SPOCK1: variants seen among roughly 807,000 people sequenced by gnomAD.
The protein encoded by SPOCK1 is SPARC (osteonectin), cwcv and kazal like domains proteoglycan 1, also known as testican-1.
Under a neutral mutation model 55.3 loss-of-function variants are expected in SPOCK1, and 23 were observed. The ratio of observed to expected loss-of-function variants is 0.42; its 90% confidence interval spans 0.30 to 0.59. The LOEUF (loss-of-function observed/expected upper bound fraction) is 0.59, where lower values mean the gene tolerates loss of function less well. Ranked by LOEUF, SPOCK1 falls within the 20% of genes least tolerant of loss-of-function variation. SPOCK1 has a pLI of 0.22. For missense variants in SPOCK1, 499 were observed against 552.5 expected (o/e 0.90, Z 0.97); for synonymous variants, 226 against 221.0 (o/e 1.02, Z -0.20).
chr5:137,358,864 T>TATATGATCAAGTCAAGACTC (rs140314895), intron 2 of SPOCK1, among the ~76,000 whole-genome samples: 5,050 of 152,284 alleles, frequency 0.033, 120 homozygotes, highest in East Asian at 0.065. Flanking sequence ...TTTCAAGACT[T>TATATGATCAAGTCAAGACTC]ACATGATCAA....
intron 6 of SPOCK1, among the ~76,000 whole-genome samples, chr5:137,022,521 T>C (rs1157643552): frequency 6.6e-6 from 1 of 152,056 alleles, no homozygotes; most frequent in Non-Finnish European, 1.5e-5. Flanking sequence ...CAAACTATGA[T>C]TTTAAGCTCC....
chr5:137,125,729 C>T (rs13176551), intron 4 of SPOCK1, among the ~76,000 whole-genome samples: 5 of 152,202 alleles, frequency 3.3e-5, no homozygotes, highest in Admixed American at 2.0e-4. Flanking sequence ...GCCCCAAACA[C>T]GATAAGATGG....
intron 7 of SPOCK1, among the ~76,000 whole-genome samples, chr5:136,991,977 G>C (rs1401239508): frequency 1.3e-5 from 2 of 152,174 alleles, no homozygotes; most frequent in South Asian, 2.1e-4. Flanking sequence ...TGTACAAAAA[G>C]ACATAGCACC....
At chr5:137,205,506 C>T (rs1490006719) in intron 3 of SPOCK1, among the ~76,000 whole-genome samples, 1 of 152,202 alleles carries the variant, frequency 6.6e-6, no homozygotes, top group African/African-American at 2.4e-5. Context: ...AGGCTCTGCT[C>T]TTGGCAGTGA....
At chr5:137,065,239 A>AAAG (rs1752485372) in intron 6 of SPOCK1, among the ~76,000 whole-genome samples, 1 of 151,742 alleles carries the variant, frequency 6.6e-6, no homozygotes, top group African/African-American at 2.4e-5. Flanking sequence ...AAAAAAAAAA[A>AAAG]AAAAAGAATC....
intron 6 of SPOCK1, among the ~76,000 whole-genome samples, chr5:137,025,370 C>G (rs1751656189): frequency 6.6e-6 from 1 of 152,104 alleles, no homozygotes; most frequent in South Asian, 2.1e-4. Flanking sequence ...ACATTAACAG[C>G]AAGCCAGCAA....
rs201906537 is a variant in SPOCK1, at chr5:137,257,290, T to TC, written c.232+9719dup. Reference sequence around the variant, plus strand: ...ATCTGCATTGAACTGAATGTTTGTGTCCCCCCCCAAAATTTATGTGTTGAA... The same window carrying TC: ...ATCTGCATTGAACTGAATGTTTGTGTCCCCCCCCCAAAATTTATGTGTTGAA... On this transcript the variant is annotated intron_variant, in intron 3 of 10. Transcript: ENST00000394945. 2.5e-3 allele frequency among the ~76,000 whole-genome samples: 380 copies of TC among 151,870 alleles called. 1 individual carries two copies. Among genetic ancestry groups the TC allele is most frequent in the Middle Eastern group, 0.017 (5 of 294 alleles).
At chr5:137,341,316 G>A (rs924299218) in intron 2 of SPOCK1, among the ~76,000 whole-genome samples, 2 of 152,210 alleles carry the variant, frequency 1.3e-5, no homozygotes, top group Non-Finnish European at 2.9e-5. Context: ...GATCTGCTCA[G>A]AATAAACAAA....
intron 3 of SPOCK1, among the ~76,000 whole-genome samples, chr5:137,141,045 C>A (rs540687386): frequency 6.6e-6 from 1 of 152,162 alleles, no homozygotes; most frequent in Non-Finnish European, 1.5e-5. Flanking sequence ...CAGGCCTGAG[C>A]CACTGCACCG....
intron 2 of SPOCK1, among the ~76,000 whole-genome samples, chr5:137,495,178 A>G (rs1754272884): frequency 6.6e-6 from 1 of 152,202 alleles, no homozygotes; most frequent in African/African-American, 2.4e-5. Flanking sequence ...GGAATAAGCC[A>G]TGGAGTTGTT....
chr5:137,024,962 G>C lies in SPOCK1; in HGVS notation c.590-32362C>G, dbSNP rs79649662. On this transcript the variant is annotated intron_variant, in intron 6 of 10. Transcript: ENST00000394945. The stretch of plus-strand genomic sequence containing the variant: ...GGAAAACTCATAATGCAGCAATGTG[G>C]ATGAATCTTGAGGACATTATGCGAA... Among the ~76,000 whole-genome samples the C allele has an allele frequency of 1.8e-3, 269 of 152,296 alleles. 1 individual carries two copies. Among genetic ancestry groups the C allele is most frequent in the African/African-American group, 5.4e-3 (223 of 41,564 alleles).
At chr5:137,331,873 T>A (rs886872399) in intron 2 of SPOCK1, among the ~76,000 whole-genome samples, 1 of 151,982 alleles carries the variant, frequency 6.6e-6, no homozygotes, top group Non-Finnish European at 1.5e-5. Flanking sequence ...CCGCAGCACA[T>A]CCCAGGCAAA....
chr5:137,151,570 T>A (rs886517372), intron 3 of SPOCK1, among the ~76,000 whole-genome samples: 1 of 152,166 alleles, frequency 6.6e-6, no homozygotes, highest in Non-Finnish European at 1.5e-5. Flanking sequence ...TACCAGTAAA[T>A]GTACACACAA....
chr5:137,200,505 G>C (rs11957994), intron 3 of SPOCK1, among the ~76,000 whole-genome samples: 1 of 152,062 alleles, frequency 6.6e-6, no homozygotes, highest in Admixed American at 6.5e-5. Context: ...CAGCATCTAT[G>C]CTCCAGAAAG....
rs946824370 is a variant in SPOCK1, at chr5:137,138,714, A to C, written c.347+1866T>G. On this transcript the variant is annotated intron_variant, in intron 4 of 10. Transcript: ENST00000394945. ...CTTCAAATAATAACCCCCCCCCCCCAAAAAAAAGTGGTATTTTTTTACATA... is the reference window on the plus strand; with the variant it reads ...CTTCAAATAATAACCCCCCCCCCCCCAAAAAAAGTGGTATTTTTTTACATA... Among the ~76,000 whole-genome samples, 19 of 127,290 alleles carry C rather than the reference A, an allele frequency of 1.5e-4. No individual in the cohort carries two copies. The South Asian group carries it at 2.8e-3, about 19-fold the overall frequency. The allele number at this position is 127,290 out of a possible 152,430, so 83.5% of individuals were successfully genotyped here. A position where few individuals can be genotyped will look rare whatever the true frequency, so the allele number is the denominator to read the frequency against.
At chr5:136,991,807 C>A (rs1378477581) in intron 7 of SPOCK1, among the ~76,000 whole-genome samples, 1 of 152,230 alleles carries the variant, frequency 6.6e-6, no homozygotes, top group Non-Finnish European at 1.5e-5. Context: ...AGGACCCACT[C>A]TGAGTGTTCT....
At chr5:137,449,172 A>T (rs537185577) in intron 2 of SPOCK1, among the ~76,000 whole-genome samples, 2 of 152,358 alleles carry the variant, frequency 1.3e-5, no homozygotes, top group South Asian at 2.1e-4. Context: ...TCACAATCGC[A>T]AAGTAGAAAA....
At chr5:137,432,920 C>T (rs1321597615) in intron 2 of SPOCK1, among the ~76,000 whole-genome samples, 6 of 152,120 alleles carry the variant, frequency 3.9e-5, no homozygotes, top group Non-Finnish European at 8.8e-5. Flanking sequence ...AATGCTTGCC[C>T]CCATTGCATA....
chr5:137,085,083 G>T (rs757682089), intron 5 of SPOCK1, among the ~76,000 whole-genome samples: 1 of 151,724 alleles, frequency 6.6e-6, no homozygotes, highest in East Asian at 1.9e-4. Flanking sequence ...AACTAAATAC[G>T]TGATTCTAAA....
Sources: gnomAD v4.1 joint callset for allele counts (sites outside exome capture counted in the v4.1 genomes callset) on GRCh38, gnomAD v4.1.1 for gene constraint, MANE v1.5 for transcripts, NCBI Gene and HGNC (gene_info 2026-07-23, HGNC 2026-07-21) for gene names.